Variants in SUSD4 observed in about 807,000 individuals in gnomAD.
SUSD4 encodes the protein sushi domain-containing protein 4.
SUSD4 carries 41 observed loss-of-function variants against 50.5 expected under a neutral mutation model. The ratio of observed to expected loss-of-function variants is 0.81; its 90% CI spans 0.63 to 1.05. The LOEUF (loss-of-function observed/expected upper bound fraction) is 1.05. Among genes scored for constraint, SUSD4 ranks in the 50% least tolerant of loss-of-function variants. The probability of loss-of-function intolerance (pLI) is 0.00; values close to 1 mark genes in which losing one functional copy is unlikely to be tolerated. For missense variants in SUSD4, 580 were observed against 634.7 expected (o/e 0.91, Z 0.93); for synonymous variants, 257 against 257.3 (o/e 1.00, Z 0.01).
chr1:223,308,408 C>T (rs754184662), intron 2 of SUSD4, among the ~76,000 whole-genome samples: 1 of 152,142 alleles, frequency 6.6e-6, no homozygotes, highest in Non-Finnish European at 1.5e-5. Flanking sequence ...TTGTAAGGTC[C>T]CTGACGCCTC....
chr1:223,337,104 A>C (rs1667499302), intron 2 of SUSD4, among the ~76,000 whole-genome samples: 1 of 152,234 alleles, frequency 6.6e-6, no homozygotes, highest in Non-Finnish European at 1.5e-5. Flanking sequence ...TAATTTGTTC[A>C]GTTCTCAAAA....
At chr1:223,258,694 A>G (rs562915388) in intron 5 of SUSD4, among the ~76,000 whole-genome samples, 32 of 152,358 alleles carry the variant, frequency 2.1e-4, no homozygotes, top group Non-Finnish European at 2.9e-5. Flanking sequence ...CCACTGCCCA[A>G]GTCATTACAA....
chr1:223,305,699 T>C (rs1267812139), intron 2 of SUSD4, among the ~76,000 whole-genome samples: 4 of 152,218 alleles, frequency 2.6e-5, no homozygotes, highest in Non-Finnish European at 2.9e-5. Context: ...CTAGTTAGTA[T>C]AGTCATACTT....
chr1:223,336,372 C>G (rs1373001268), intron 2 of SUSD4, among the ~76,000 whole-genome samples: 1 of 152,160 alleles, frequency 6.6e-6, no homozygotes, highest in Non-Finnish European at 1.5e-5. Flanking sequence ...TAGGTAATAG[C>G]TACAATTTTT....
rs142519653 is a variant in SUSD4 at position 223,235,154 on chromosome 1, G to GAA, written c.725-5768_725-5767dup. 1.8e-4 allele frequency: 241 copies of GAA among 1,369,528 alleles called. No homozygotes were observed. In the South Asian group the frequency reaches 1.9e-3, roughly 11 times the overall value. The allele number at this position is 1,369,528 out of a possible 1,614,324, so 84.8% of individuals were successfully genotyped here. A position where few individuals can be genotyped will look rare whatever the true frequency, so the allele number is the denominator to read the frequency against. ...CATAAGAAGACTATTTCTCTTGATT[G>GAA]AAAAAAAAAACCTAAAGCCCTTTTC... On this transcript the variant is annotated intron_variant, in intron 5 of 8. Coordinates refer to ENST00000366878, the MANE Select transcript of SUSD4 (RefSeq NM_017982.4).
At chr1:223,274,666 C>T (rs1201261622) in intron 3 of SUSD4, among the ~76,000 whole-genome samples, 3 of 152,154 alleles carry the variant, frequency 2.0e-5, no homozygotes, top group Admixed American at 6.5e-5. Context: ...TTAGTAGATT[C>T]GTATTTCATT....
intron 5 of SUSD4, chr1:223,263,524 G>A: frequency 1.0e-6 from 1 of 982,874 alleles, no homozygotes; most frequent in Non-Finnish European, 1.2e-6. Context: ...TTTGCGATGG[G>A]TGGGAAGTGG....
chr1:223,297,740 C>T (rs762246978), intron 2 of SUSD4, among the ~76,000 whole-genome samples: 1 of 152,222 alleles, frequency 6.6e-6, no homozygotes, highest in South Asian at 2.1e-4. Context: ...CTCTACTTAG[C>T]GGTCTCCCTC....
intron 2 of SUSD4, among the ~76,000 whole-genome samples, chr1:223,300,053 G>A (rs753813552): frequency 6.6e-6 from 1 of 152,170 alleles, no homozygotes; most frequent in Non-Finnish European, 1.5e-5. Context: ...CCACCCAGAG[G>A]ATGCTCTTTC....
intron 5 of SUSD4, among the ~76,000 whole-genome samples, chr1:223,233,778 C>T (rs1449736135): frequency 3.3e-5 from 5 of 152,218 alleles, no homozygotes; most frequent in African/African-American, 9.6e-5. Flanking sequence ...CTAAGGGAAA[C>T]ACACCCAGGG....
chr1:223,353,230 C>T (rs759395757), intron 2 of SUSD4, among the ~76,000 whole-genome samples: 3 of 152,150 alleles, frequency 2.0e-5, no homozygotes, highest in Non-Finnish European at 2.9e-5. Context: ...CATGTCCACA[C>T]ACAATGAGTT....
At chr1:223,324,420 C>T (rs1219116063) in intron 2 of SUSD4, among the ~76,000 whole-genome samples, 1 of 151,372 alleles carries the variant, frequency 6.6e-6, no homozygotes, top group East Asian at 1.9e-4. Flanking sequence ...CCCAAGACAC[C>T]AATATTTAAG....
At chr1:223,281,823 G>C (rs576075631) in intron 3 of SUSD4, among the ~76,000 whole-genome samples, 1 of 152,024 alleles carries the variant, frequency 6.6e-6, no homozygotes, top group African/African-American at 2.4e-5. Flanking sequence ...GATAAACATC[G>C]ATGCAAAAAT....
intron 5 of SUSD4, among the ~76,000 whole-genome samples, chr1:223,254,068 TC>T (rs1439004026): frequency 6.6e-6 from 1 of 152,228 alleles, no homozygotes; most frequent in Non-Finnish European, 1.5e-5. Flanking sequence ...GGACATGTTC[TC>T]CACCCCCTGC....
chr1:223,349,606 G>C (rs1364466719), intron 2 of SUSD4, among the ~76,000 whole-genome samples: 1 of 152,192 alleles, frequency 6.6e-6, no homozygotes, highest in Non-Finnish European at 1.5e-5. Flanking sequence ...TGCATGAATA[G>C]GTAAGCTAAT....
In SUSD4 at chr1:223,301,662, T is replaced by C. The variant is rs534172320; in HGVS notation, c.149-9011A>G. 7.2e-5 allele frequency among the ~76,000 whole-genome samples: 11 copies of C among 152,312 alleles called. 1 individual carries two copies. In the South Asian group the frequency reaches 2.3e-3, roughly 32 times the overall value. On this transcript the variant is annotated intron_variant, in intron 2 of 8. Coordinates refer to ENST00000366878, the MANE Select transcript of SUSD4 (RefSeq NM_017982.4). Reference sequence around the variant, plus strand: ...CAGGTAAACCACCCAACTGTTAAAATATCTCTGTGCATCAATAACCCTTTA... The same window carrying C: ...CAGGTAAACCACCCAACTGTTAAAACATCTCTGTGCATCAATAACCCTTTA...
At chr1:223,266,140 T>C (rs1004727312) in intron 4 of SUSD4, among the ~76,000 whole-genome samples, 2 of 152,178 alleles carry the variant, frequency 1.3e-5, no homozygotes, top group Non-Finnish European at 2.9e-5. Flanking sequence ...CCTGGGGCCA[T>C]GCGGCTCTGC....
intron 2 of SUSD4, among the ~76,000 whole-genome samples, chr1:223,311,906 G>A (rs531232471): frequency 2.6e-5 from 4 of 152,242 alleles, no homozygotes; most frequent in East Asian, 3.9e-4. Flanking sequence ...AGAACTTTAC[G>A]CTCCAGGATT....
intron 2 of SUSD4, among the ~76,000 whole-genome samples, chr1:223,320,661 C>G (rs1666521507): frequency 6.6e-6 from 1 of 152,136 alleles, no homozygotes; most frequent in South Asian, 2.1e-4. Flanking sequence ...CTGTGGGATC[C>G]AGTACCCTGC....
Sources: allele counts gnomAD v4.1 joint callset (sites outside exome capture counted in the v4.1 genomes callset), GRCh38; gene constraint gnomAD v4.1.1; transcripts MANE v1.5; gene names NCBI Gene and HGNC (gene_info 2026-07-23, HGNC 2026-07-21).